DDX31: variants seen among roughly 807,000 people sequenced by gnomAD.
DDX31 encodes DEAD-box helicase 31.
Under a neutral mutation model 91.3 loss-of-function variants are expected in DDX31, and 70 were observed. The ratio of observed to expected loss-of-function variants is 0.77; its 90% CI spans 0.63 to 0.94. The LOEUF (loss-of-function observed/expected upper bound fraction) is 0.94. Among genes scored for constraint, DDX31 ranks in the 40% least tolerant of loss-of-function variants. The probability of loss-of-function intolerance (pLI) is 0.00; values close to 1 mark genes in which losing one functional copy is unlikely to be tolerated. For missense variants in DDX31, 902 were observed against 925.0 expected, an observed-to-expected ratio of 0.98 and a Z score of 0.32; for synonymous variants, 362 against 350.6, an observed-to-expected ratio of 1.03 and a Z score of -0.36.
At chr9:132,641,302 T>C (rs1343756232) in intron 14 of DDX31, among the ~76,000 whole-genome samples, 2 of 152,266 alleles carry the variant, frequency 1.3e-5, no homozygotes, top group African/African-American at 2.4e-5. Flanking sequence ...TACAATTTCA[T>C]TACTGTGTAT....
rs539952608 is a variant in DDX31, at chr9:132,635,264, T to C, written c.1441-3173A>G. 7.9e-5 allele frequency among the ~76,000 whole-genome samples: 12 copies of C among 152,226 alleles called. No individual in the cohort carries two copies. The South Asian group carries it at 1.9e-3, about 24-fold the overall frequency. On this transcript the variant is annotated intron_variant, in intron 14 of 19. Transcript: ENST00000372159. ...ACACTTTGAGACCATGCGAATAGCA[T>C]GGTCCTGTTTCCTAAAACCTTTCAC...
chr9:132,647,925 T>C (rs964815450), intron 11 of DDX31, among the ~76,000 whole-genome samples: 2 of 152,114 alleles, frequency 1.3e-5, no homozygotes, highest in African/African-American at 2.4e-5. Flanking sequence ...ACCAAGCCAA[T>C]AGCAGCCAGT....
At chr9:132,655,741 A>G (rs1344976650) in intron 6 of DDX31, among the ~76,000 whole-genome samples, 2 of 152,248 alleles carry the variant, frequency 1.3e-5, no homozygotes, top group East Asian at 1.9e-4. Context: ...TTGCACATTC[A>G]AAGTGCTCAA....
chr9:132,638,570 C>T (rs981016781), intron 14 of DDX31, among the ~76,000 whole-genome samples: 1 of 152,196 alleles, frequency 6.6e-6, no homozygotes, highest in Non-Finnish European at 1.5e-5. Flanking sequence ...GAGGACTCCT[C>T]GTCTTTCACA....
intron 7 of DDX31, 22 bp from the exon 8 acceptor site, chr9:132,651,138 T>C (rs752414066): frequency 1.2e-5 from 19 of 1,595,968 alleles, no homozygotes; most frequent in Middle Eastern, 1.7e-4. Flanking sequence ...TTAAAAGTTA[T>C]AGATGATGAA....
chr9:132,632,187 C>T, intron 14 of DDX31, 96 bp from the exon 15 acceptor site: 1 of 1,036,514 alleles, frequency 9.6e-7, no homozygotes, highest in African/African-American at 1.6e-5. Context: ...TCTGAGAGTT[C>T]ACCCGCCCAC....
In DDX31 at chr9:132,595,314, C is replaced by T. The variant is rs959242207; in HGVS notation, c.1995-202G>A. Among the ~76,000 whole-genome samples, 6 of 152,084 alleles carry T rather than the reference C, an allele frequency of 3.9e-5. No homozygotes were observed. Among genetic ancestry groups the T allele is most frequent in the Admixed American group, 1.3e-4 (2 of 15,272 alleles). On this transcript the variant is annotated intron_variant, in intron 19 of 19. Transcript: ENST00000372159. This position sits in a 1 kb window ranked among gnomAD's most constrained non-coding sequence, Gnocchi z 4.6. ...CGGCGCTGACAGATTTTCATAACAG[C>T]GGCAAAATATCATGGCATTTTTAAA...
chr9:132,631,969 T>C, intron 15 of DDX31, 72 bp downstream of exon 15: 2 of 1,364,040 alleles, frequency 1.5e-6, no homozygotes, highest in South Asian at 2.6e-5. Flanking sequence ...ATTATTCTAC[T>C]TAAAGCCAAT....
In DDX31 at chr9:132,646,051, C is replaced by T. The variant is rs1833816379; in HGVS notation, c.1224G>A (p.Met408Ile). ...GCTCGCAACTTGAGAAAAAGACAAC[C>T]ATCTTCTGGTCTTCCTCAAACTACA... is the stretch of plus-strand genomic sequence containing the variant. ...QKCKFEEDQK[M>I]VVFFSSCELV... Residue 408 changes from methionine (M) to isoleucine (I), a missense_variant, in exon 13 of 20, where the codon ATG (methionine) becomes ATA (isoleucine). Transcript: ENST00000372159. 2.5e-6 allele frequency: 4 copies of T among 1,614,100 alleles called. No individual in the cohort carries two copies. In the South Asian group the frequency reaches 3.3e-5, roughly 13 times the overall value.
chr9:132,619,988 T>C (rs1236017551), intron 17 of DDX31, among the ~76,000 whole-genome samples: 1 of 152,104 alleles, frequency 6.6e-6, no homozygotes, highest in Non-Finnish European at 1.5e-5. Flanking sequence ...ATGAAAACTT[T>C]TTCCTCTTTT....
At chr9:132,652,416 T>C (rs1834253137) in intron 7 of DDX31, 32 bp downstream of exon 7, 1 of 1,614,032 alleles carries the variant, frequency 6.2e-7, no homozygotes, top group African/African-American at 1.3e-5. Context: ...AAGCATGTGC[T>C]TAAAACTTGT....
chr9:132,664,630 G>T (rs1835191829), intron 1 of DDX31, among the ~76,000 whole-genome samples: 1 of 149,390 alleles, frequency 6.7e-6, no homozygotes, highest in Non-Finnish European at 1.5e-5. Flanking sequence ...CATCACCTGA[G>T]CCCGGGAGGT....
At chr9:132,637,895 G>C (rs1400991794) in intron 14 of DDX31, 1 of 990,760 alleles carries the variant, frequency 1.0e-6, no homozygotes. Context: ...TTGGGACACA[G>C]AACTGACATT....
intron 19 of DDX31, among the ~76,000 whole-genome samples, chr9:132,609,201 G>A (rs1344088531): frequency 6.6e-6 from 1 of 152,156 alleles, no homozygotes; most frequent in Non-Finnish European, 1.5e-5. Flanking sequence ...ACACACTGCT[G>A]TCACTCACCA....
intron 14 of DDX31, among the ~76,000 whole-genome samples, chr9:132,640,128 C>T (rs764308268): frequency 1.3e-5 from 2 of 152,158 alleles, no homozygotes; most frequent in South Asian, 2.1e-4. Context: ...ATGATGCTTA[C>T]GACCGGCTGG....
In DDX31 at chr9:132,616,529, T is replaced by C. The variant is rs530358500; in HGVS notation, c.1825+1801A>G. Among the ~76,000 whole-genome samples, 47 of 152,256 alleles carry C rather than the reference T, an allele frequency of 3.1e-4. No individual in the cohort carries two copies. In the South Asian group the frequency reaches 3.9e-3, roughly 13 times the overall value. On this transcript the variant is annotated intron_variant, in intron 18 of 19. Coordinates refer to ENST00000372159, the MANE Select transcript of DDX31 (RefSeq NM_022779.9). Reference sequence around the variant, plus strand: ...CAAAATCGAAGGTGACAGTGTGGGTTTGATTTATTTCTTTCCACTGCAACT... The same window carrying C: ...CAAAATCGAAGGTGACAGTGTGGGTCTGATTTATTTCTTTCCACTGCAACT...
intron 1 of DDX31, chr9:132,669,421 T>G: frequency 2.3e-6 from 1 of 430,672 alleles, no homozygotes. Flanking sequence ...CTGATGAGAA[T>G]TTATGGTTTG....
At chr9:132,666,248 C>T (rs1835300105) in intron 1 of DDX31, among the ~76,000 whole-genome samples, 1 of 152,078 alleles carries the variant, frequency 6.6e-6, no homozygotes, top group African/African-American at 2.4e-5. Context: ...TGCTTCTGGG[C>T]TCTCTTTTCT....
At chr9:132,604,516 C>T (rs1051441574) in intron 19 of DDX31, among the ~76,000 whole-genome samples, 2 of 152,184 alleles carry the variant, frequency 1.3e-5, no homozygotes, top group African/African-American at 4.8e-5. Flanking sequence ...TCAGCAGCAC[C>T]TTGCTGCCCT....
Sources: gnomAD v4.1 joint callset for allele counts (sites outside exome capture counted in the v4.1 genomes callset) on GRCh38, gnomAD v4.1.1 for gene constraint, Gnocchi (gnomAD v3.1) non-coding constraint, MANE v1.5 for transcripts, NCBI Gene and HGNC (gene_info 2026-07-23, HGNC 2026-07-21) for gene names.